NLK: variants seen among roughly 807,000 people sequenced by gnomAD.
The protein encoded by NLK is serine/threonine-protein kinase NLK.
A neutral mutation model predicts 59.0 loss-of-function variants in NLK; 11 were observed. That is an observed-to-expected ratio of 0.19 (90% confidence interval 0.12 to 0.31). NLK has a LOEUF of 0.31. Ranked by LOEUF, NLK falls within the 10% of genes least tolerant of loss-of-function variation. NLK has a pLI of 1.00. For missense variants in NLK, 410 were observed against 661.1 expected (o/e 0.62, Z 4.16); for synonymous variants, 235 against 235.9 (o/e 1.00, Z 0.03).
intron 1 of NLK, among the ~76,000 whole-genome samples, chr17:28,063,470 G>C (rs946406009): frequency 7.2e-5 from 11 of 152,026 alleles, no homozygotes; most frequent in African/African-American, 2.7e-4. Flanking sequence ...ATTTCTCGGG[G>C]TTTGGGTTTA....
chr17:28,193,839 G>C (rs1269980602), intron 10 of NLK, among the ~76,000 whole-genome samples: 1 of 152,144 alleles, frequency 6.6e-6, no homozygotes, highest in Non-Finnish European at 1.5e-5. Context: ...ACTTATCTGT[G>C]GTTTTAAATT....
chr17:28,044,582 G>A (rs1388159557), intron 1 of NLK, among the ~76,000 whole-genome samples: 1 of 152,118 alleles, frequency 6.6e-6, no homozygotes, highest in Non-Finnish European at 1.5e-5. Flanking sequence ...AAGGTGTGTG[G>A]GATTCAAGGT....
chr17:28,092,792 ATTTTATTTTAT>A (rs1904549474), intron 1 of NLK, among the ~76,000 whole-genome samples: 2 of 141,962 alleles, frequency 1.4e-5, no homozygotes, highest in Admixed American at 6.8e-5. Flanking sequence ...ATTTTATTTT[ATTTTATTTTAT>A]TTTATTTATT....
intron 1 of NLK, among the ~76,000 whole-genome samples, chr17:28,055,824 A>G (rs1909422248): frequency 6.6e-6 from 1 of 152,232 alleles, no homozygotes; most frequent in South Asian, 2.1e-4. Context: ...GTTGACAGGT[A>G]TCAGGTATGT....
intron 1 of NLK, among the ~76,000 whole-genome samples, chr17:28,071,751 AAGAATT>A (rs1910014235): frequency 6.6e-6 from 1 of 152,186 alleles, no homozygotes; most frequent in African/African-American, 2.4e-5. Context: ...CTTCATCAGA[AAGAATT>A]GGCAGAACAG....
At chr17:28,179,317 T>C (rs1315406142) in intron 7 of NLK, among the ~76,000 whole-genome samples, 1 of 152,058 alleles carries the variant, frequency 6.6e-6, no homozygotes, top group African/African-American at 2.4e-5. Context: ...GCAGCCTCAA[T>C]TTTCCAGGCT....
chr17:28,197,291 A>G (rs2142078519), downstream of NLK, among the ~76,000 whole-genome samples: 1 of 152,214 alleles, frequency 6.6e-6, no homozygotes, highest in Non-Finnish European at 1.5e-5. Flanking sequence ...CAACATGGTG[A>G]AACCCCATCT....
intron 1 of NLK, among the ~76,000 whole-genome samples, chr17:28,119,731 A>G (rs143905715): frequency 2.9e-4 from 44 of 152,350 alleles, no homozygotes; most frequent in African/African-American, 1.1e-3. Context: ...ACAAAGGGAA[A>G]AAAATAGTAA....
intron 3 of NLK, among the ~76,000 whole-genome samples, chr17:28,160,545 T>A (rs892003718): frequency 2.0e-5 from 3 of 152,130 alleles, no homozygotes; most frequent in African/African-American, 7.2e-5. Context: ...ACCCTAAACA[T>A]ACAACAGAGT....
chr17:28,109,242 A>G (rs1487657003), intron 1 of NLK, among the ~76,000 whole-genome samples: 2 of 152,200 alleles, frequency 1.3e-5, no homozygotes, highest in Admixed American at 6.5e-5. Flanking sequence ...AGTGGTTAAT[A>G]TGTGACCTAT....
At chr17:28,191,318 C>A in intron 9 of NLK, 99 bp downstream of exon 9, 1 of 840,920 alleles carries the variant, frequency 1.2e-6, no homozygotes, top group Non-Finnish European at 1.8e-6. Context: ...ACCAAAGCTC[C>A]CCTCTATGTT....
intron 3 of NLK, among the ~76,000 whole-genome samples, chr17:28,159,708 G>C (rs1386386574): frequency 1.3e-5 from 2 of 151,958 alleles, no homozygotes; most frequent in Non-Finnish European, 2.9e-5. Flanking sequence ...AATGTAAAAG[G>C]CTTAAAAATT....
chr17:28,113,759 A>G (rs1461692897), intron 1 of NLK, among the ~76,000 whole-genome samples: 1 of 152,194 alleles, frequency 6.6e-6, no homozygotes, highest in Non-Finnish European at 1.5e-5. Flanking sequence ...GCAGCCCAGT[A>G]GATCTCAGCC....
chr17:28,122,181 G>A (rs1013497115), intron 1 of NLK, among the ~76,000 whole-genome samples: 3 of 152,186 alleles, frequency 2.0e-5, no homozygotes, highest in African/African-American at 7.2e-5. Flanking sequence ...GTTTGAACAT[G>A]TCTTCCCTCT....
chr17:28,116,851 A>G (rs1383746744), intron 1 of NLK, among the ~76,000 whole-genome samples: 1 of 152,218 alleles, frequency 6.6e-6, no homozygotes, highest in Non-Finnish European at 1.5e-5. Context: ...TTTGTGTGAC[A>G]TATTTTCAGT....
Position 28,191,208 on chromosome 17 carries a change from G to A in NLK, c.1424G>A (p.Arg475Gln), listed in dbSNP as rs137886593. 11 of 1,609,438 alleles carry A rather than the reference G, an allele frequency of 6.8e-6. No homozygotes were observed. The highest frequency in any genetic ancestry group is 7.6e-6 in the Non-Finnish European group (9 of 1,178,174). Residue 475 changes from arginine to glutamine, a missense_variant, in exon 9 of 11, where the codon CGA becomes CAA. Coordinates refer to ENST00000407008, the MANE Select transcript of NLK (RefSeq NM_016231.5). ...TTCGAGAAGAACCTCAGTTCTGTCCGACAGGTTAAAGGTGAGTATCTGTTT... is the reference window on the plus strand; with the variant it reads ...TTCGAGAAGAACCTCAGTTCTGTCCAACAGGTTAAAGGTGAGTATCTGTTT... Reference protein sequence around the residue: ...DTFEKNLSSVRQVKEIIHQFI... With the variant: ...DTFEKNLSSVQQVKEIIHQFI...
At chr17:28,151,301 A>G (rs1009663080) in intron 3 of NLK, among the ~76,000 whole-genome samples, 1 of 152,208 alleles carries the variant, frequency 6.6e-6, no homozygotes, top group African/African-American at 2.4e-5. Flanking sequence ...CCGTATCATA[A>G]GGTGGTGTGT....
chr17:28,164,198 C>T (rs558935816), intron 5 of NLK, among the ~76,000 whole-genome samples: 2 of 151,888 alleles, frequency 1.3e-5, no homozygotes, highest in African/African-American at 4.8e-5. Context: ...AGCAAAACCC[C>T]ATCTCAATAA....
At chr17:28,142,495 A>T (rs978141215) in intron 3 of NLK, among the ~76,000 whole-genome samples, 3 of 152,222 alleles carry the variant, frequency 2.0e-5, no homozygotes, top group African/African-American at 7.2e-5. Context: ...GTTGCAAAGA[A>T]GATGATGAGA....
Sources: allele counts gnomAD v4.1 joint callset (sites outside exome capture counted in the v4.1 genomes callset), GRCh38; gene constraint gnomAD v4.1.1; transcripts MANE v1.5; gene names NCBI Gene and HGNC (gene_info 2026-07-23, HGNC 2026-07-21).